The following TESC variants were observed in gnomAD, a reference collection of about 807,000 sequenced individuals.
The protein encoded by TESC is tescalcin.
In TESC, 19 loss-of-function variants were observed where a neutral mutation model predicts 31.0. The observed-to-expected ratio is 0.61, with a 90% CI of 0.43 to 0.90. The LOEUF (loss-of-function observed/expected upper bound fraction) is 0.90, where lower values mean the gene tolerates loss of function less well. TESC is among the 40% of genes least tolerant of loss of function. The pLI is 0.00. For missense variants in TESC, 248 were observed against 303.8 expected (o/e 0.82, Z 1.36); for synonymous variants, 109 against 114.8 (o/e 0.95, Z 0.32).
intron 2 of TESC, among the ~76,000 whole-genome samples, chr12:117,067,454 A>C (rs1954903799): frequency 6.6e-6 from 1 of 152,052 alleles, no homozygotes; most frequent in East Asian, 1.9e-4. Context: ...CTGTGGCCCC[A>C]GCTACAGCTC....
chr12:117,084,981 G>A (rs959956095), intron 1 of TESC, among the ~76,000 whole-genome samples: 1 of 152,200 alleles, frequency 6.6e-6, no homozygotes, highest in Non-Finnish European at 1.5e-5. Context: ...TGCAAAAAGC[G>A]CAGCCCCACT....
Position 117,039,117 on chromosome 12 carries a change from C to T in TESC, c.*16G>A, listed in dbSNP as rs564918398. 45 of 1,613,362 alleles carry T rather than the reference C, an allele frequency of 2.8e-5. 1 individual carries two copies. In the South Asian group the frequency reaches 3.7e-4, roughly 13 times the overall value. On this transcript the variant is annotated 3_prime_UTR_variant, in exon 8 of 8. Transcript: ENST00000335209. ...CCCATTGCAAAGTGCAGTTTCTCCG[C>T]GGAGGTGGCGGTGGGTCAGTGGCAG...
rs182824834 is a variant in TESC at position 117,065,359 on chromosome 12, G to A, written c.129-8473C>T. On this transcript the variant is annotated intron_variant, in intron 2 of 7. Transcript: ENST00000335209. ...GGCTCCTTGGGAGGTAGAAATGGCA[G>A]TGTTTGCTGATGAACTGGAAGCAGG... 2.4e-4 allele frequency among the ~76,000 whole-genome samples: 36 copies of A among 152,312 alleles called. No individual in the cohort carries two copies. In the East Asian group the frequency reaches 6.9e-3, roughly 29 times the overall value.
intron 1 of TESC, 68 bp downstream of exon 1, chr12:117,099,156 CG>C: frequency 7.0e-7 from 1 of 1,425,652 alleles, no homozygotes; most frequent in Non-Finnish European, 9.1e-7. Flanking sequence ...GGCGGCGGGC[CG>C]GGGTCCCCAA....
At position 117,046,766 on chromosome 12, in the gene TESC, G is replaced by C; in HGVS notation, c.411+11C>G. ...CAGGAGCCCCGGGCGGGCCAGAGGA[G>C]CATACTTTACATTTCGATATTCTTC... is the stretch of plus-strand genomic sequence containing the variant. On this transcript the variant is annotated intron_variant, in intron 5 of 7. Coordinates refer to ENST00000335209, the MANE Select transcript of TESC (RefSeq NM_017899.4). 1 of 1,560,818 alleles carries C rather than the reference G, an allele frequency of 6.4e-7. No homozygotes were observed.
chr12:117,039,340 AC>A, intron 7 of TESC, 130 bp from the exon 8 acceptor site: 1 of 836,012 alleles, frequency 1.2e-6, no homozygotes, highest in East Asian at 2.7e-5. Flanking sequence ...GCAGGTGAAA[AC>A]CAGAGGGCTG....
chr12:117,054,036 G>A (rs1430498473), intron 3 of TESC: 6 of 152,136 alleles, frequency 3.9e-5, no homozygotes, highest in Admixed American at 3.9e-4. Flanking sequence ...AGTCACTTAA[G>A]CTCCACAGGC....
intron 3 of TESC, among the ~76,000 whole-genome samples, chr12:117,049,466 G>A (rs951097634): frequency 2.6e-5 from 4 of 152,198 alleles, no homozygotes; most frequent in Admixed American, 2.6e-4. Flanking sequence ...GGTGCACACA[G>A]GCCAGCACTT....
intron 3 of TESC, chr12:117,054,099 G>C (rs1308093730): frequency 6.6e-6 from 1 of 152,236 alleles, no homozygotes; most frequent in Non-Finnish European, 1.5e-5. Flanking sequence ...TGCGGTACCA[G>C]GTCTCTCACC....
intron 2 of TESC, among the ~76,000 whole-genome samples, chr12:117,070,528 C>T (rs972089682): frequency 5.9e-5 from 9 of 152,126 alleles, no homozygotes; most frequent in South Asian, 2.1e-4. Flanking sequence ...ACGCACCTCC[C>T]CCACCCCCAG....
intron 2 of TESC, among the ~76,000 whole-genome samples, chr12:117,069,564 T>C (rs145248011): frequency 1.0e-3 from 159 of 152,202 alleles, no homozygotes; most frequent in South Asian, 4.2e-3. Context: ...AAAAATCAGG[T>C]ACCGGGCTGT....
chr12:117,058,206 G>C (rs781189199), intron 2 of TESC, among the ~76,000 whole-genome samples: 3 of 152,030 alleles, frequency 2.0e-5, no homozygotes, highest in Non-Finnish European at 4.4e-5. Context: ...GTAGACTGTA[G>C]TCTCAAAAAA....
At chr12:117,043,420 C>T (rs1954513252) in intron 6 of TESC, among the ~76,000 whole-genome samples, 1 of 151,704 alleles carries the variant, frequency 6.6e-6, no homozygotes, top group South Asian at 2.1e-4. Context: ...GCATGTATGT[C>T]CCAAGTGCCT....
chr12:117,041,951 A>G lies in TESC; in HGVS notation c.563T>C (p.Leu188Pro), dbSNP rs775624203. ...VYEGITFEDF[L>P]KIWQGIDIET... Reference sequence around the variant, plus strand: ...TCCCACGCCCAGGCCACCCACCTTCAGGAAGTCCTCGAAGGTGATCCCCTC... The same window carrying G: ...TCCCACGCCCAGGCCACCCACCTTCGGGAAGTCCTCGAAGGTGATCCCCTC... Residue 188 changes from leucine to proline, a missense_variant, in exon 7 of 8, where the codon CTG (leucine) becomes CCG (proline). Leu to Pro is a moderately conservative substitution (Grantham distance 98). Transcript: ENST00000335209. 10 of 1,589,390 alleles carry G rather than the reference A, an allele frequency of 6.3e-6. No individual in the cohort carries two copies. The highest frequency in any genetic ancestry group is 1.7e-5 in the Admixed American group (1 of 57,470).
Position 117,059,721 on chromosome 12 carries a change from T to C in TESC, c.129-2835A>G, listed in dbSNP as rs189335415. On this transcript the variant is annotated intron_variant, in intron 2 of 7. Transcript: ENST00000335209. ...GATTCTCCTGCCTCAGCCTCCCGAG[T>C]AGCTGGGATTACAGACATGTGCTAC... Among the ~76,000 whole-genome samples, 2 of 152,126 alleles carry C rather than the reference T, an allele frequency of 1.3e-5. 1 individual carries two copies. Among genetic ancestry groups the C allele is most frequent in the Admixed American group, 1.3e-4 (2 of 15,276 alleles).
rs535685367 is a variant in TESC at position 117,075,969 on chromosome 12, A to G, written c.59-629T>C. Among the ~76,000 whole-genome samples the G allele has an allele frequency of 7.2e-3, 849 of 117,382 alleles. 22 individuals carry two copies. The highest frequency in any genetic ancestry group is 0.013 in the African/African-American group (370 of 28,782). The allele number at this position is 117,382 out of a possible 152,430, so 77.0% of individuals were successfully genotyped here. Reference sequence around the variant, plus strand: ...TATATACATATATATATATATATGTATGTATATATATATATATTTTTTTTT... The same window carrying G: ...TATATACATATATATATATATATGTGTGTATATATATATATATTTTTTTTT... On this transcript the variant is annotated intron_variant, in intron 1 of 7. Transcript: ENST00000335209.
intron 1 of TESC, among the ~76,000 whole-genome samples, chr12:117,091,956 C>T (rs528548341): frequency 3.3e-5 from 5 of 152,164 alleles, no homozygotes; most frequent in South Asian, 2.1e-4. Flanking sequence ...GCGGGAGAGG[C>T]GGTTTCTCCC....
At chr12:117,093,633 T>C (rs1351658802) in intron 1 of TESC, among the ~76,000 whole-genome samples, 1 of 152,256 alleles carries the variant, frequency 6.6e-6, no homozygotes, top group African/African-American at 2.4e-5. Context: ...TGTCTGCATC[T>C]GTAAAATGGG....
At chr12:117,057,633 G>A (rs1954743769) in intron 2 of TESC, among the ~76,000 whole-genome samples, 1 of 152,170 alleles carries the variant, frequency 6.6e-6, no homozygotes, top group African/African-American at 2.4e-5. Flanking sequence ...CACTCCTAGG[G>A]ATATGCCCAA....
Sources: allele counts gnomAD v4.1 joint callset (sites outside exome capture counted in the v4.1 genomes callset), GRCh38; gene constraint gnomAD v4.1.1; transcripts MANE v1.5; gene names NCBI Gene and HGNC (gene_info 2026-07-23, HGNC 2026-07-21).